Variants in AGBL3 observed in about 807,000 individuals in gnomAD.
AGBL3 encodes cytosolic carboxypeptidase 3.
Under a neutral mutation model 94.5 loss-of-function variants are expected in AGBL3, and 68 were observed. The ratio of observed to expected loss-of-function variants is 0.72; its 90% CI spans 0.59 to 0.88. The LOEUF (loss-of-function observed/expected upper bound fraction) is 0.88. Among genes scored for constraint, AGBL3 ranks in the 40% least tolerant of loss-of-function variants. The pLI, the probability that AGBL3 is intolerant of heterozygous loss-of-function variation, is 0.00. For synonymous variants in AGBL3, 354 were observed against 370.7 expected, an observed-to-expected ratio of 0.95 and a Z score of 0.52; for missense variants, 934 against 1,103.8, an observed-to-expected ratio of 0.85 and a Z score of 2.18.
chr7:135,074,771 T>C lies in AGBL3; in HGVS notation c.1909-1626T>C, dbSNP rs184106654. ...CCCATGCCCACAATTCAGGCAGTTATGCATACACACACACCCTCTGGAGTA... is the reference window on the plus strand; with the variant it reads ...CCCATGCCCACAATTCAGGCAGTTACGCATACACACACACCCTCTGGAGTA... On this transcript the variant is annotated intron_variant, in intron 12 of 16. Coordinates refer to ENST00000436302, the MANE Select transcript of AGBL3 (RefSeq NM_178563.4). 7.3e-4 allele frequency among the ~76,000 whole-genome samples: 111 copies of C among 152,296 alleles called. 2 individuals are homozygous for C. Among genetic ancestry groups the C allele is most frequent in the Non-Finnish European group, 6.9e-4 (47 of 68,026 alleles).
chr7:135,027,509 C>T (rs933152335), intron 5 of AGBL3, among the ~76,000 whole-genome samples: 3 of 151,488 alleles, frequency 2.0e-5, no homozygotes, highest in Non-Finnish European at 4.4e-5. Flanking sequence ...TTCCATCTGG[C>T]ATCATTGTTT....
At chr7:135,082,865 G>A (rs181237729) in intron 15 of AGBL3, among the ~76,000 whole-genome samples, 2 of 152,096 alleles carry the variant, frequency 1.3e-5, no homozygotes, top group African/African-American at 4.8e-5. Flanking sequence ...ATAGATACAT[G>A]TATTTGACCT....
chr7:135,129,647 T>G (rs557054876), intron 16 of AGBL3: 2 of 781,194 alleles, frequency 2.6e-6, no homozygotes, highest in African/African-American at 1.7e-5. Context: ...TGTTTTATGC[T>G]GTGGATGTTG....
At chr7:135,025,655 T>C (rs1171639302) in intron 5 of AGBL3, among the ~76,000 whole-genome samples, 1 of 151,362 alleles carries the variant, frequency 6.6e-6, no homozygotes, top group Non-Finnish European at 1.5e-5. Context: ...GCAGACTACA[T>C]AAAAAGACAA....
chr7:134,987,064 T>A (rs188369268), intron 1 of AGBL3, among the ~76,000 whole-genome samples: 34 of 152,398 alleles, frequency 2.2e-4, no homozygotes, highest in African/African-American at 7.5e-4. Context: ...GGAGTTGTGA[T>A]GCCCAGGCAG....
intron 9 of AGBL3, 118 bp from the exon 10 acceptor site, chr7:135,045,356 A>G: frequency 1.2e-6 from 1 of 813,342 alleles, no homozygotes; most frequent in Non-Finnish European, 2.0e-6. Flanking sequence ...GAAGAAAAAA[A>G]TCTAAAGGAT....
chr7:135,107,440 C>A (rs1163055899), intron 15 of AGBL3, among the ~76,000 whole-genome samples: 1 of 152,160 alleles, frequency 6.6e-6, no homozygotes, highest in Non-Finnish European at 1.5e-5. Context: ...TTAAAAAGAG[C>A]TTCTTGATTT....
intron 12 of AGBL3, among the ~76,000 whole-genome samples, chr7:135,076,029 C>T (rs1177650730): frequency 6.6e-6 from 1 of 152,122 alleles, no homozygotes; most frequent in Non-Finnish European, 1.5e-5. Flanking sequence ...TTTAGGCTGT[C>T]CTTCTCCTGG....
At chr7:135,078,635 G>A (rs1373727711) in intron 13 of AGBL3, among the ~76,000 whole-genome samples, 2 of 151,952 alleles carry the variant, frequency 1.3e-5, no homozygotes, top group Non-Finnish European at 2.9e-5. Flanking sequence ...TATATTAAAT[G>A]CTCATGTATT....
chr7:135,064,072 C>T (rs1819069109), intron 12 of AGBL3, among the ~76,000 whole-genome samples: 1 of 152,128 alleles, frequency 6.6e-6, no homozygotes, highest in Admixed American at 6.5e-5. Context: ...TATTTAAAGC[C>T]TCTGATTAAC....
At chr7:135,112,167 A>T (rs774781238) in intron 15 of AGBL3, among the ~76,000 whole-genome samples, 39 of 152,196 alleles carry the variant, frequency 2.6e-4, no homozygotes, top group Admixed American at 4.6e-4. Flanking sequence ...CCGCTAATTC[A>T]GACCCTCATT....
chr7:135,025,638 T>C lies in AGBL3; in HGVS notation c.419-7206T>C, dbSNP rs140232421. On this transcript the variant is annotated intron_variant, in intron 5 of 16. Coordinates refer to ENST00000436302, the MANE Select transcript of AGBL3 (RefSeq NM_178563.4). ...GTCTGAACAGACCACTTAAAAGGCA[T>C]AGAGTGGCAGACTACATAAAAAGAC... Among the ~76,000 whole-genome samples the C allele has an allele frequency of 7.9e-5, 12 of 151,600 alleles. 2 individuals are homozygous for C. The highest frequency in any genetic ancestry group is 2.1e-4 in the East Asian group (1 of 4,844).
chr7:135,053,420 CA>C (rs1818061834), intron 11 of AGBL3, among the ~76,000 whole-genome samples: 1 of 152,048 alleles, frequency 6.6e-6, no homozygotes, highest in Non-Finnish European at 1.5e-5. Context: ...CCAGCCTGAC[CA>C]ACATGGATAA....
intron 9 of AGBL3, among the ~76,000 whole-genome samples, chr7:135,044,700 TG>T (rs1309150624): frequency 6.6e-6 from 1 of 152,102 alleles, no homozygotes; most frequent in African/African-American, 2.4e-5. Context: ...CTTTTCAGCT[TG>T]TTTTTTTTAT....
intron 4 of AGBL3, chr7:135,010,098 G>A (rs1444955086): frequency 2.1e-5 from 9 of 419,244 alleles, no homozygotes; most frequent in African/African-American, 6.4e-5. Context: ...GTGCGATCTC[G>A]GCTCACTGCA....
chr7:135,016,869 T>C (rs974177724), intron 4 of AGBL3, among the ~76,000 whole-genome samples, 183 bp from the exon 5 acceptor site: 2 of 152,188 alleles, frequency 1.3e-5, no homozygotes. Context: ...GAATGAAATG[T>C]CATAAGTTGT....
intron 9 of AGBL3, 64 bp from the exon 10 acceptor site, chr7:135,045,410 A>G (rs1817262933): frequency 7.6e-7 from 1 of 1,309,878 alleles, no homozygotes; most frequent in South Asian, 1.3e-5. Context: ...GTGTTTTGCA[A>G]TGTACCTGCT....
intron 5 of AGBL3, among the ~76,000 whole-genome samples, chr7:135,027,430 A>T: frequency 5.3e-5 from 1 of 18,722 alleles, no homozygotes; most frequent in Admixed American, 1.1e-3. Flanking sequence ...GAGGAGAAAA[A>T]ATTGTATTTA....
At chr7:135,056,702 G>A (rs961654613) in intron 11 of AGBL3, among the ~76,000 whole-genome samples, 1 of 152,056 alleles carries the variant, frequency 6.6e-6, no homozygotes, top group Admixed American at 6.6e-5. Flanking sequence ...AGATGTATAT[G>A]AGGAAAATTA....
Sources: gnomAD v4.1 joint callset for allele counts (sites outside exome capture counted in the v4.1 genomes callset) on GRCh38, gnomAD v4.1.1 for gene constraint, MANE v1.5 for transcripts, NCBI Gene and HGNC (gene_info 2026-07-23, HGNC 2026-07-21) for gene names.